Variants in PPP6R3 observed in about 807,000 individuals in gnomAD.
PPP6R3 encodes serine/threonine-protein phosphatase 6 regulatory subunit 3.
PPP6R3 carries 38 observed loss-of-function variants against 110.7 expected under a neutral mutation model. The ratio of observed to expected loss-of-function variants is 0.34; its 90% CI spans 0.26 to 0.45. The LOEUF is 0.45. PPP6R3 is among the 20% of genes least tolerant of loss of function. The pLI is 1.00. For missense variants in PPP6R3, 870 were observed against 1,062.4 expected, an observed-to-expected ratio of 0.82 and a Z score of 2.52; for synonymous variants, 369 against 373.5, an observed-to-expected ratio of 0.99 and a Z score of 0.14.
Position 68,587,924 on chromosome 11 carries a change from CAG to C in PPP6R3, c.1633-2_1633-1del. The C allele has an allele frequency of 6.8e-6, 11 of 1,613,682 alleles. No homozygotes were observed. Among genetic ancestry groups the C allele is most frequent in the Non-Finnish European group, 9.3e-6 (11 of 1,179,628 alleles). On this transcript the variant is annotated splice_acceptor_variant, in intron 15 of 23. Transcript: ENST00000393800. LOFTEE classifies it high-confidence loss of function. Reference sequence around the variant, plus strand: ...TCACTGTCACTGGTCCTGGGGTTGCCAGGCCTTTTCTGATTATCAGATGCAAC... The same window carrying C: ...TCACTGTCACTGGTCCTGGGGTTGCCGCCTTTTCTGATTATCAGATGCAAC...
chr11:68,573,144 ATATATATATAATT>A (rs2099516159), intron 12 of PPP6R3, among the ~76,000 whole-genome samples: 1 of 91,858 alleles, frequency 1.1e-5, no homozygotes, highest in Non-Finnish European at 2.3e-5. Context: ...ATATATATAT[ATATATATATAATT>A]TTTTTTTTTT....
chr11:68,538,639 C>T (rs192072601), intron 3 of PPP6R3, among the ~76,000 whole-genome samples: 1 of 152,318 alleles, frequency 6.6e-6, no homozygotes, highest in Admixed American at 6.5e-5. Context: ...CCTCAGTTTA[C>T]CTTTCTTTTC....
At chr11:68,574,261 G>A in intron 13 of PPP6R3, 37 bp downstream of exon 13, 3 of 1,544,070 alleles carry the variant, frequency 1.9e-6, no homozygotes, top group Non-Finnish European at 2.7e-6. Context: ...CATTTTTGTT[G>A]GGTTGCAGGA....
At position 68,614,678 on chromosome 11, in the gene PPP6R3, GC is replaced by G. The variant is rs1382920531; in HGVS notation, c.*1564del. 2.6e-6 allele frequency: 4 copies of G among 1,522,936 alleles called. No homozygotes were observed. Among genetic ancestry groups the G allele is most frequent in the Non-Finnish European group, 2.6e-6 (3 of 1,139,272 alleles). The allele number at this position is 1,522,936 out of a possible 1,614,324, so 94.3% of individuals were successfully genotyped here. A position where few individuals can be genotyped will look rare whatever the true frequency, so the allele number is the denominator to read the frequency against. On this transcript the variant is annotated 3_prime_UTR_variant, in exon 24 of 24. Transcript: ENST00000393800. ...CCCAGGACAGTGGAGTCAGCAGTAA[GC>G]CCTGGGACAGGTGGCAAGGGTGGGT...
At chr11:68,479,104 A>G (rs1485774687) in intron 1 of PPP6R3, among the ~76,000 whole-genome samples, 2 of 152,232 alleles carry the variant, frequency 1.3e-5, no homozygotes, top group East Asian at 3.8e-4. Context: ...ACATGAATTT[A>G]TAGGCTATCA....
intron 2 of PPP6R3, among the ~76,000 whole-genome samples, chr11:68,534,503 T>C (rs2153634068): frequency 6.6e-6 from 1 of 152,312 alleles, no homozygotes; most frequent in East Asian, 1.9e-4. Context: ...TTAATGAGTT[T>C]CCTTTATAAT....
chr11:68,528,773 A>T (rs1465487572), intron 2 of PPP6R3, among the ~76,000 whole-genome samples: 1 of 152,218 alleles, frequency 6.6e-6, no homozygotes, highest in Non-Finnish European at 1.5e-5. Context: ...GCCTGGAAGC[A>T]GTCACCAGAC....
In PPP6R3 at chr11:68,595,931, C is replaced by T. The variant is rs765782956; in HGVS notation, c.1917-166C>T. Among the ~76,000 whole-genome samples, 10 of 152,200 alleles carry T rather than the reference C, an allele frequency of 6.6e-5. No homozygotes were observed. In the East Asian group the frequency reaches 9.6e-4, roughly 15 times the overall value. On this transcript the variant is annotated intron_variant, in intron 18 of 23. Coordinates refer to ENST00000393800, the MANE Select transcript of PPP6R3 (RefSeq NM_001164161.2). The stretch of plus-strand genomic sequence containing the variant: ...TTAGTGTGAGGTTGGGCAGCACGCA[C>T]GCAAAGCTGAGTCTTCCCGGGCATC...
chr11:68,471,485 C>T (rs1451798180), intron 1 of PPP6R3, among the ~76,000 whole-genome samples: 2 of 151,880 alleles, frequency 1.3e-5, no homozygotes. Flanking sequence ...CGTGAGGTCA[C>T]CTGAGATAAG....
At chr11:68,581,550 A>G (rs2099554647) in intron 14 of PPP6R3, among the ~76,000 whole-genome samples, 1 of 152,226 alleles carries the variant, frequency 6.6e-6, no homozygotes, top group South Asian at 2.1e-4. Context: ...GCCCAGCATG[A>G]TATGTGTGCT....
intron 1 of PPP6R3, among the ~76,000 whole-genome samples, chr11:68,469,263 G>A (rs150508931): frequency 6.6e-6 from 1 of 152,210 alleles, no homozygotes; most frequent in African/African-American, 2.4e-5. Flanking sequence ...TGGCCTGTGG[G>A]TTGTAGTTTG....
intron 1 of PPP6R3, among the ~76,000 whole-genome samples, chr11:68,493,359 A>G (rs1418506671): frequency 6.6e-6 from 1 of 152,090 alleles, no homozygotes; most frequent in African/African-American, 2.4e-5. Context: ...TCTTTGTATA[A>G]ATAATTTCTC....
At chr11:68,523,901 A>G (rs976981600) in intron 2 of PPP6R3, among the ~76,000 whole-genome samples, 3 of 152,008 alleles carry the variant, frequency 2.0e-5, no homozygotes, top group African/African-American at 7.3e-5. Flanking sequence ...TTGTGTTACT[A>G]GAGTTTCCAG....
At chr11:68,573,114 T>TTATATATATATATATATATATATA (rs60848718) in intron 12 of PPP6R3, among the ~76,000 whole-genome samples, 20 of 61,794 alleles carry the variant, frequency 3.2e-4, no homozygotes, top group South Asian at 1.1e-3. Flanking sequence ...TTTACTTATT[T>TTATATATATATATATATATATATA]TATATATATA....
At chr11:68,535,235 G>T (rs935821344) in intron 2 of PPP6R3, among the ~76,000 whole-genome samples, 1 of 152,094 alleles carries the variant, frequency 6.6e-6, no homozygotes, top group African/African-American at 2.4e-5. Flanking sequence ...CCCACCCCTC[G>T]TCTGGAGCAG....
At chr11:68,532,046 C>T (rs975507802) in intron 2 of PPP6R3, among the ~76,000 whole-genome samples, 9 of 152,208 alleles carry the variant, frequency 5.9e-5, no homozygotes, top group African/African-American at 2.2e-4. Context: ...TGTTCTTGTT[C>T]TACCTCTTAT....
At chr11:68,599,614 C>T (rs775967557) in intron 19 of PPP6R3, among the ~76,000 whole-genome samples, 4 of 152,162 alleles carry the variant, frequency 2.6e-5, no homozygotes, top group Non-Finnish European at 4.4e-5. Context: ...TCAACATGTT[C>T]TTTTTTTAGA....
chr11:68,595,832 A>T (rs897524435), intron 18 of PPP6R3, among the ~76,000 whole-genome samples: 3 of 152,108 alleles, frequency 2.0e-5, no homozygotes, highest in Admixed American at 1.3e-4. Flanking sequence ...GAACACCTCC[A>T]CCCCTTCGAG....
At chr11:68,500,326 C>T (rs1193356397) in intron 1 of PPP6R3, among the ~76,000 whole-genome samples, 1 of 151,434 alleles carries the variant, frequency 6.6e-6, no homozygotes, top group African/African-American at 2.4e-5. Flanking sequence ...TTTTGCTCTT[C>T]TCCCACCATG....
Sources: gnomAD v4.1 joint callset for allele counts (sites outside exome capture counted in the v4.1 genomes callset) on GRCh38, gnomAD v4.1.1 for gene constraint, MANE v1.5 for transcripts, NCBI Gene and HGNC (gene_info 2026-07-23, HGNC 2026-07-21) for gene names.